The following PRUNE2 variants were observed in gnomAD, a reference collection of about 807,000 sequenced individuals.
PRUNE2 encodes prune homolog 2 with BCH domain, also known as protein prune homolog 2.
A neutral mutation model predicts 252.0 loss-of-function variants in PRUNE2; 164 were observed. The observed-to-expected ratio is 0.65, with a 90% CI of 0.57 to 0.74. PRUNE2 has a LOEUF of 0.74. PRUNE2 is among the 30% of genes least tolerant of loss of function. PRUNE2 has a pLI of 0.00. For synonymous variants in PRUNE2, 1,292 were observed against 1,350.2 expected, an observed-to-expected ratio of 0.96 and a Z score of 0.94; for missense variants, 3,495 against 3,711.0, an observed-to-expected ratio of 0.94 and a Z score of 1.51.
intron 6 of PRUNE2, among the ~76,000 whole-genome samples, chr9:76,746,170 C>A (rs1167987549): frequency 2.5e-4 from 38 of 152,118 alleles, no homozygotes; most frequent in Non-Finnish European, 1.5e-5. Context: ...CGTGGACTCT[C>A]CAGAGGGATA....
chr9:76,739,435 A>G (rs547340493), intron 6 of PRUNE2: 1 of 152,328 alleles, frequency 6.6e-6, no homozygotes, highest in East Asian at 1.9e-4. Context: ...GATGATAACA[A>G]AAAGAATGGG....
chr9:76,902,542 G>C (rs544731225), intron 1 of PRUNE2, among the ~76,000 whole-genome samples: 1 of 152,258 alleles, frequency 6.6e-6, no homozygotes, highest in Non-Finnish European at 1.5e-5. Flanking sequence ...CTTTGATTAC[G>C]ATCTCAAGCT....
At chr9:76,726,130 C>A (rs1173606398) in intron 6 of PRUNE2, among the ~76,000 whole-genome samples, 1 of 152,058 alleles carries the variant, frequency 6.6e-6, no homozygotes, top group African/African-American at 2.4e-5. Context: ...TCTGTGTAGA[C>A]CTTGCCAAAT....
rs754897917 is a variant in PRUNE2 at position 76,705,645 on chromosome 9, G to C, written c.6629C>G (p.Ala2210Gly). The change falls in exon 8 of 19, where the codon GCC becomes GGC. Residue 2210 changes from alanine to glycine, a missense_variant. By Grantham distance (60) the Ala-to-Gly change is moderately conservative. Coordinates refer to ENST00000376718, the MANE Select transcript of PRUNE2 (RefSeq NM_015225.3). ...STGLQVSEKGASPDMAPILEP... is the reference protein window; with the variant it reads ...STGLQVSEKGGSPDMAPILEP... ...CAAAATTGGTGCCATATCTGGGCTG[G>C]CTCCTTTTTCTGATACTTGTAAACC... 3.8e-5 allele frequency: 62 copies of C among 1,613,830 alleles called. 2 individuals carry two copies. The highest frequency in any genetic ancestry group is 3.3e-4 in the East Asian group (15 of 44,900).
Position 76,710,376 on chromosome 9 carries a change from T to A in PRUNE2, c.1898A>T (p.Asp633Val), listed in dbSNP as rs760353868. The change falls in exon 8 of 19, where the codon GAT (aspartate) becomes GTT (valine). Residue 633 changes from aspartate to valine, a missense_variant. Transcript: ENST00000376718. ...TGTGTCAGTTGCTTTTTGGGTCATA[T>A]CTTCTGTATAGAGTGAGGCTGGTTC... ...TEEPASLYTE[D>V]MTQKATDTGH... The A allele has an allele frequency of 6.2e-7, 1 of 1,613,974 alleles. No homozygotes were observed. The highest frequency in any genetic ancestry group is 1.7e-5 in the Admixed American group (1 of 60,020).
At chr9:76,639,511 A>T (rs1333126315) in intron 12 of PRUNE2, among the ~76,000 whole-genome samples, 5 of 152,126 alleles carry the variant, frequency 3.3e-5, no homozygotes, top group Non-Finnish European at 5.9e-5. Context: ...ACAACAAAAA[A>T]ACTATATACA....
intron 9 of PRUNE2, among the ~76,000 whole-genome samples, chr9:76,665,280 T>A (rs535411157): frequency 2.1e-4 from 32 of 152,236 alleles, no homozygotes; most frequent in African/African-American, 7.5e-4. Context: ...GCCTTGCCAA[T>A]CTTGCTGTCC....
In PRUNE2 at chr9:76,749,930, T is replaced by G. The variant is rs554901700; in HGVS notation, c.757-36209A>C. Among the ~76,000 whole-genome samples, 8 of 152,352 alleles carry G rather than the reference T, an allele frequency of 5.3e-5. No individual in the cohort carries two copies. In the South Asian group the frequency reaches 1.5e-3, roughly 28 times the overall value. Reference sequence around the variant, plus strand: ...TAGTATTTGCTCTGACCCTGGTTCCTGACACAGTATTCCTACATCCCTTAG... The same window carrying G: ...TAGTATTTGCTCTGACCCTGGTTCCGGACACAGTATTCCTACATCCCTTAG... On this transcript the variant is annotated intron_variant, in intron 6 of 18. Coordinates refer to ENST00000376718, the MANE Select transcript of PRUNE2 (RefSeq NM_015225.3).
chr9:76,708,784 C>T lies in PRUNE2; in HGVS notation c.3490G>A (p.Glu1164Lys). The stretch of plus-strand genomic sequence containing the variant: ...AGCTGTCTCACTGTAAATCGGGTTT[C>T]CGGCTCGGAACCTTCAGCCATGTAT... ...EGYMAEGSEP[E>K]TRFTVRQLEP... The change falls in exon 8 of 19, where the codon GAA becomes AAA. Residue 1164 changes from glutamate to lysine, a missense_variant. Transcript: ENST00000376718. 6.2e-7 allele frequency: 1 copy of T among 1,613,898 alleles called. No homozygotes were observed. The highest frequency in any genetic ancestry group is 8.5e-7 in the Non-Finnish European group (1 of 1,179,884).
At chr9:76,871,449 G>A (rs577930822) in intron 1 of PRUNE2, among the ~76,000 whole-genome samples, 53 of 152,312 alleles carry the variant, frequency 3.5e-4, no homozygotes, top group African/African-American at 1.1e-3. Context: ...CCTGGAACCA[G>A]TTCCCTGTGG....
At chr9:76,718,567 T>A (rs1307337886) in intron 6 of PRUNE2, among the ~76,000 whole-genome samples, 2 of 152,226 alleles carry the variant, frequency 1.3e-5, no homozygotes, top group East Asian at 3.8e-4. Context: ...CCACACACCT[T>A]GTTTTTCTCC....
At chr9:76,851,650 T>C (rs931542453) in intron 2 of PRUNE2, among the ~76,000 whole-genome samples, 1 of 152,286 alleles carries the variant, frequency 6.6e-6, no homozygotes, top group Admixed American at 6.5e-5. Flanking sequence ...CAATTCATTT[T>C]TAAAAATTCA....
chr9:76,795,636 G>C (rs919687255), intron 6 of PRUNE2, among the ~76,000 whole-genome samples: 1 of 152,116 alleles, frequency 6.6e-6, no homozygotes, highest in Admixed American at 6.5e-5. Flanking sequence ...GGGGAAAGAG[G>C]GGGCACAGAA....
chr9:76,646,503 G>A (rs1438650305), intron 11 of PRUNE2, among the ~76,000 whole-genome samples: 1 of 152,206 alleles, frequency 6.6e-6, no homozygotes, highest in East Asian at 1.9e-4. Context: ...CCAGCATGCG[G>A]CAGCTTATCA....
At chr9:76,838,401 T>C (rs1464202689) in intron 4 of PRUNE2, among the ~76,000 whole-genome samples, 2 of 151,866 alleles carry the variant, frequency 1.3e-5, no homozygotes, top group African/African-American at 4.8e-5. Context: ...TCCCAACACT[T>C]TGGGGGGCCG....
chr9:76,629,315 T>C (rs769582966), intron 15 of PRUNE2, 25 bp from the exon 16 acceptor site: 1 of 1,154,932 alleles, frequency 8.7e-7, no homozygotes, highest in South Asian at 1.4e-5. Context: ...AAGAAAAAAA[T>C]ATGTATCATT....
intron 9 of PRUNE2, among the ~76,000 whole-genome samples, chr9:76,658,922 C>CT (rs1850242544): frequency 6.6e-6 from 1 of 152,230 alleles, no homozygotes; most frequent in South Asian, 2.1e-4. Context: ...TAGTATTGCA[C>CT]TTTCCTGTCC....
At chr9:76,729,236 T>G (rs548172049) in intron 6 of PRUNE2, among the ~76,000 whole-genome samples, 37 of 152,260 alleles carry the variant, frequency 2.4e-4, no homozygotes, top group African/African-American at 8.7e-4. Flanking sequence ...TCCTCAAACT[T>G]TAGCTGAACT....
At chr9:76,848,458 A>G (rs2059784268) in intron 3 of PRUNE2, among the ~76,000 whole-genome samples, 1 of 152,228 alleles carries the variant, frequency 6.6e-6, no homozygotes, top group Non-Finnish European at 1.5e-5. Context: ...TGGGCAGGTT[A>G]TTTTCAAAAC....
Sources: gnomAD v4.1 joint callset for allele counts (sites outside exome capture counted in the v4.1 genomes callset) on GRCh38, gnomAD v4.1.1 for gene constraint, MANE v1.5 for transcripts, NCBI Gene and HGNC (gene_info 2026-07-23, HGNC 2026-07-21) for gene names.